Variants in CP observed in about 807,000 individuals in gnomAD.
CP encodes the protein caeruloplasmin.
A neutral mutation model predicts 122.4 loss-of-function variants in CP; 64 were observed. The observed-to-expected ratio is 0.52, with a 90% CI of 0.43 to 0.64. The LOEUF (loss-of-function observed/expected upper bound fraction) is 0.64. CP is among the 30% of genes least tolerant of loss of function. The pLI is 0.00. For missense variants in CP, 1,167 were observed against 1,284.4 expected (o/e 0.91, Z 1.40); for synonymous variants, 440 against 436.4 (o/e 1.01, Z -0.10).
At chr3:149,214,506 C>T (rs561499239) in intron 1 of CP, among the ~76,000 whole-genome samples, 1 of 152,084 alleles carries the variant, frequency 6.6e-6, no homozygotes, top group Non-Finnish European at 1.5e-5. Flanking sequence ...ATGATGTTTC[C>T]CTGTCCATCC....
chr3:149,217,373 C>T (rs182921214), intron 1 of CP, among the ~76,000 whole-genome samples: 140 of 152,228 alleles, frequency 9.2e-4, no homozygotes, highest in African/African-American at 3.2e-3. Flanking sequence ...ACAACATCAG[C>T]GCCTTGGGTT....
At chr3:149,193,696 C>T (rs1266687710) in intron 9 of CP, among the ~76,000 whole-genome samples, 1 of 152,112 alleles carries the variant, frequency 6.6e-6, no homozygotes, top group African/African-American at 2.4e-5. Context: ...GACAAGATAA[C>T]CATTCCTTGT....
chr3:149,165,183 G>A (rs911249992), intron 5 of CP, among the ~76,000 whole-genome samples: 1 of 152,296 alleles, frequency 6.6e-6, no homozygotes. Flanking sequence ...GCTTGAGCAT[G>A]TGCTGTAGAT....
Position 149,187,945 on chromosome 3 carries a change from TGA to T in CP, c.1864+105_1864+106del. Reference sequence around the variant, plus strand: ...TCAGGACACTATTGTAATCGTTTATTGAAAAAATAATCAATGAGCAAAGCTCT... The same window carrying T: ...TCAGGACACTATTGTAATCGTTTATTAAAAATAATCAATGAGCAAAGCTCT... On this transcript the variant is annotated intron_variant, in intron 10 of 18. Transcript: ENST00000264613. The T allele has an allele frequency of 7.4e-6, 9 of 1,222,224 alleles. No individual in the cohort carries two copies. The South Asian group carries it at 1.1e-4, about 15-fold the overall frequency. The allele number at this position is 1,222,224 out of a possible 1,614,324, so 75.7% of individuals were successfully genotyped here.
At position 149,178,754 on chromosome 3, in the gene CP, A is replaced by G. The variant is rs1523514; in HGVS notation, c.2662-123T>C. 2,793 of 712,330 alleles carry G rather than the reference A, an allele frequency of 3.9e-3. 63 individuals carry two copies. In the African/African-American group the frequency reaches 0.044, roughly 11 times the overall value. 44.1% of individuals were successfully genotyped at this position (712,330 alleles called of 1,614,324 possible). On this transcript the variant is annotated intron_variant, in intron 15 of 18. Coordinates refer to ENST00000264613, the MANE Select transcript of CP (RefSeq NM_000096.4). The stretch of plus-strand genomic sequence containing the variant: ...CCAATTGAAGTAACAGACTTTGCCC[A>G]ATGTGGTACTGCCAATTTAGTAACT...
intron 9 of CP, among the ~76,000 whole-genome samples, chr3:149,190,517 G>A (rs1436745019): frequency 6.6e-6 from 1 of 152,072 alleles, no homozygotes; most frequent in Non-Finnish European, 1.5e-5. Flanking sequence ...AATTAGCCAG[G>A]TGTGGTGGCA....
chr3:149,209,400 C>T lies in CP; in HGVS notation c.608-16G>A, dbSNP rs757258903. 24 of 1,609,730 alleles carry T rather than the reference C, an allele frequency of 1.5e-5. No homozygotes were observed. In the South Asian group the frequency reaches 2.6e-4, roughly 18 times the overall value. On this transcript the variant is annotated splice_polypyrimidine_tract_variant and intron_variant, in intron 3 of 18. Coordinates refer to ENST00000264613, the MANE Select transcript of CP (RefSeq NM_000096.4). ...TCTAGAGAATCTGGAGTTAAAGTTA[C>T]TATTTTAGCAAGACTAAACTTTTAG...
downstream of CP, chr3:149,168,139 T>G (rs897392753): frequency 1.6e-6 from 1 of 619,698 alleles, no homozygotes; most frequent in African/African-American, 1.9e-5. Flanking sequence ...TACCCTCCCC[T>G]TGACATTTGA....
exon 6 of CP, chr3:149,162,419 C>G: frequency 3.9e-6 from 5 of 1,279,858 alleles, no homozygotes; most frequent in Non-Finnish European, 5.6e-6. Context: ...GTGAGTTTTT[C>G]ATTTGTTTGT....
chr3:149,197,192 G>A (rs1457144588), intron 9 of CP, among the ~76,000 whole-genome samples: 1 of 152,094 alleles, frequency 6.6e-6, no homozygotes, highest in Non-Finnish European at 1.5e-5. Flanking sequence ...CCTGCACCCG[G>A]GTGAAATAAA....
intron 14 of CP, chr3:149,179,899 A>G (rs1725667990): frequency 2.1e-6 from 1 of 483,388 alleles, no homozygotes. Flanking sequence ...TAAATTAGCT[A>G]TAACCCACTT....
intron 4 of CP, among the ~76,000 whole-genome samples, chr3:149,208,780 G>A (rs1474036325): frequency 6.6e-6 from 1 of 152,126 alleles, no homozygotes; most frequent in East Asian, 1.9e-4. Flanking sequence ...CCCAGTGAGG[G>A]CAACATAGTA....
chr3:149,184,025 C>CTTTTTTTTTTTTTTT (rs1559939313), intron 12 of CP, among the ~76,000 whole-genome samples: 1 of 66,306 alleles, frequency 1.5e-5, no homozygotes, highest in Admixed American at 1.8e-4. Context: ...TTTTCACTTA[C>CTTTTTTTTTTTTTTT]TTCTTTTTTT....
chr3:149,197,405 G>A (rs1019708731), intron 9 of CP, among the ~76,000 whole-genome samples: 2 of 151,972 alleles, frequency 1.3e-5, no homozygotes, highest in Non-Finnish European at 2.9e-5. Context: ...ATTAGTTTAT[G>A]AATCTAGGAA....
chr3:149,213,517 A>G (rs1398069754), intron 1 of CP, among the ~76,000 whole-genome samples: 1 of 152,190 alleles, frequency 6.6e-6, no homozygotes, highest in African/African-American at 2.4e-5. Flanking sequence ...AGTGGGATCT[A>G]TTCATGGGCA....
chr3:149,206,105 T>G, intron 6 of CP, 63 bp downstream of exon 6: 1 of 1,501,736 alleles, frequency 6.7e-7, no homozygotes, highest in Non-Finnish European at 9.2e-7. Flanking sequence ...GAATTAGCCT[T>G]TTGTAGTTCC....
chr3:149,176,072 C>A, intron 18 of CP, 178 bp downstream of exon 18: 1 of 622,362 alleles, frequency 1.6e-6, no homozygotes, highest in Non-Finnish European at 2.9e-6. Context: ...TGAGCAGTAT[C>A]CCTCACCATT....
At chr3:149,207,231 T>C in intron 5 of CP, 132 bp downstream of exon 5, 1 of 965,428 alleles carries the variant, frequency 1.0e-6, no homozygotes, top group South Asian at 1.5e-5. Flanking sequence ...TTATTATATA[T>C]ACCATCATAG....
chr3:149,194,848 A>T (rs1726793105), intron 9 of CP, among the ~76,000 whole-genome samples: 1 of 152,210 alleles, frequency 6.6e-6, no homozygotes. Flanking sequence ...AAGAATAAGG[A>T]AGCAAAAATA....
Sources: gnomAD v4.1 joint callset for allele counts (sites outside exome capture counted in the v4.1 genomes callset) on GRCh38, gnomAD v4.1.1 for gene constraint, MANE v1.5 for transcripts, NCBI Gene and HGNC (gene_info 2026-07-23, HGNC 2026-07-21) for gene names.